LAMA3: variants seen among roughly 807,000 people sequenced by gnomAD.
LAMA3 encodes the protein laminin subunit alpha 3.
A neutral mutation model predicts 402.0 loss-of-function variants in LAMA3; 281 were observed. The observed-to-expected ratio is 0.70, with a 90% confidence interval of 0.63 to 0.77. The LOEUF is 0.77. Ranked by LOEUF, LAMA3 falls within the 30% of genes least tolerant of loss-of-function variation. The pLI is 0.00. For missense variants in LAMA3, 3,840 were observed against 4,215.5 expected (o/e 0.91, Z 2.47); for synonymous variants, 1,431 against 1,558.4 (o/e 0.92, Z 1.93).
At chr18:23,708,723 A>G (rs2060935050) in intron 1 of LAMA3, among the ~76,000 whole-genome samples, 1 of 151,944 alleles carries the variant, frequency 6.6e-6, no homozygotes, top group African/African-American at 2.4e-5. Context: ...TCTTTAGCAG[A>G]TACATTTGGG....
intron 8 of LAMA3, among the ~76,000 whole-genome samples, chr18:23,770,127 A>G (rs1411661394): frequency 3.9e-5 from 6 of 152,254 alleles, no homozygotes; most frequent in Non-Finnish European, 8.8e-5. Flanking sequence ...AGGGAAAAAT[A>G]GACAATTCTA....
chr18:23,926,231 A>G (rs745515076), intron 62 of LAMA3, among the ~76,000 whole-genome samples: 1 of 152,256 alleles, frequency 6.6e-6, no homozygotes, highest in Non-Finnish European at 1.5e-5. Context: ...AGTTGGATTC[A>G]TAGAGCTTCG....
At chr18:23,696,886 G>A (rs1231200964) in intron 1 of LAMA3, among the ~76,000 whole-genome samples, 1 of 152,204 alleles carries the variant, frequency 6.6e-6, no homozygotes, top group Non-Finnish European at 1.5e-5. Context: ...GCTACCTGCA[G>A]CATCCTCATT....
chr18:23,805,423 T>A (rs1598828066), intron 12 of LAMA3, among the ~76,000 whole-genome samples: 1 of 152,198 alleles, frequency 6.6e-6, no homozygotes. Context: ...GGTTGTACTA[T>A]TTTCCTAGGT....
At chr18:23,915,604 G>A (rs575151254) in intron 59 of LAMA3, among the ~76,000 whole-genome samples, 182 bp downstream of exon 59, 2 of 152,120 alleles carry the variant, frequency 1.3e-5, no homozygotes, top group Middle Eastern at 3.2e-3. Context: ...TCTAATTATG[G>A]TAGTCTCTTC....
intron 1 of LAMA3, among the ~76,000 whole-genome samples, chr18:23,711,343 A>G (rs1039711864): frequency 3.3e-5 from 5 of 152,154 alleles, no homozygotes; most frequent in African/African-American, 9.7e-5. Flanking sequence ...AGTGCCTACT[A>G]ATTGTGAGAT....
chr18:23,730,006 C>G (rs1177597368), intron 2 of LAMA3, among the ~76,000 whole-genome samples: 1 of 152,236 alleles, frequency 6.6e-6, no homozygotes, highest in African/African-American at 2.4e-5. Context: ...CCACTGTGTT[C>G]CCCTGCAAAG....
At chr18:23,786,795 A>T (rs1012771176) in intron 12 of LAMA3, among the ~76,000 whole-genome samples, 1 of 152,254 alleles carries the variant, frequency 6.6e-6, no homozygotes, top group African/African-American at 2.4e-5. Flanking sequence ...AGAGAATATC[A>T]ATAAAGAGAT....
At chr18:23,844,612 G>A (rs1174107102) in intron 29 of LAMA3, among the ~76,000 whole-genome samples, 5 of 152,206 alleles carry the variant, frequency 3.3e-5, no homozygotes, top group Non-Finnish European at 1.5e-5. Flanking sequence ...GCCTGTTCCT[G>A]TGATTGTTTT....
chr18:23,702,482 C>A lies in LAMA3; in HGVS notation c.295-11438C>A, dbSNP rs555688795. On this transcript the variant is annotated intron_variant, in intron 1 of 74. Coordinates refer to ENST00000313654, the MANE Select transcript of LAMA3 (RefSeq NM_198129.4). ...GGGACTACAGGTGTGCACCACCATG[C>A]CCGGCTAATTTTTTTTGTGTGTGTG... Among the ~76,000 whole-genome samples, 5 of 152,130 alleles carry A rather than the reference C, an allele frequency of 3.3e-5. No individual in the cohort carries two copies. In the South Asian group the frequency reaches 1.0e-3, roughly 32 times the overall value.
At chr18:23,866,200 T>C (rs1443107483) in intron 36 of LAMA3, among the ~76,000 whole-genome samples, 2 of 152,206 alleles carry the variant, frequency 1.3e-5, no homozygotes, top group Non-Finnish European at 2.9e-5. Context: ...TAGTATCACA[T>C]CCTACTTTGA....
chr18:23,892,796 G>A lies in LAMA3; in HGVS notation c.5411-1502G>A, dbSNP rs374956129. Among the ~76,000 whole-genome samples, 119 of 151,484 alleles carry A rather than the reference G, an allele frequency of 7.9e-4. 1 individual carries two copies. The East Asian group carries it at 0.022, about 28-fold the overall frequency. On this transcript the variant is annotated intron_variant, in intron 42 of 74. Coordinates refer to ENST00000313654, the MANE Select transcript of LAMA3 (RefSeq NM_198129.4). ...CAGATGCCTGTAATCTCAGCTACTT[G>A]GGAGGCTGAGGCAGGAGAATCGCTT...
At chr18:23,905,740 T>C (rs2081225885) in intron 52 of LAMA3, 116 bp downstream of exon 52, 2 of 583,236 alleles carry the variant, frequency 3.4e-6, no homozygotes, top group Admixed American at 2.8e-5. Flanking sequence ...TCAATGCAGA[T>C]GATACCCTTT....
chr18:23,826,550 G>C lies in LAMA3; in HGVS notation c.2572-152G>C, dbSNP rs947396405. 5.7e-5 allele frequency: 39 copies of C among 681,390 alleles called. No homozygotes were observed. The South Asian group carries it at 6.3e-4, about 11-fold the overall frequency. 42.2% of individuals were successfully genotyped at this position (681,390 alleles called of 1,614,324 possible). A position where few individuals can be genotyped will look rare whatever the true frequency, so the allele number is the denominator to read the frequency against. ...TGAGTGGTTCTTTGTGTTTCGGTGA[G>C]TCGGGATGAAGAACAAAGCAGTTGA... On this transcript the variant is annotated intron_variant, in intron 21 of 74. Transcript: ENST00000313654.
In LAMA3 at chr18:23,839,735, T is replaced by C. The variant is rs556764137; in HGVS notation, c.3192-50T>C. On this transcript the variant is annotated intron_variant, in intron 26 of 74. Coordinates refer to ENST00000313654, the MANE Select transcript of LAMA3 (RefSeq NM_198129.4). The surrounding 1 kb of genome is among the most constrained non-coding windows in gnomAD (Gnocchi z 4.5). ...GTCTCTTCACTGATGGTCAGTTCTG[T>C]AGCTTTGGGTTCTTTTAAAAATCAG... 8 of 1,602,234 alleles carry C rather than the reference T, an allele frequency of 5.0e-6. No homozygotes were observed. The highest frequency in any genetic ancestry group is 4.5e-5 in the East Asian group (2 of 44,812).
At chr18:23,742,919 T>G (rs1013342622) in intron 2 of LAMA3, among the ~76,000 whole-genome samples, 27 of 152,148 alleles carry the variant, frequency 1.8e-4, no homozygotes, top group African/African-American at 6.3e-4. Flanking sequence ...GCACAGGGAG[T>G]ACTATTTAGT....
rs1040214038 is a variant in LAMA3, at chr18:23,786,010, A to T, written c.1603+1853A>T. On this transcript the variant is annotated intron_variant, in intron 12 of 74. Coordinates refer to ENST00000313654, the MANE Select transcript of LAMA3 (RefSeq NM_198129.4). The stretch of plus-strand genomic sequence containing the variant: ...GCAGAGGGGAGGAAGGACTTCCATA[A>T]CAACAGAGGAGGGAGGTTGGTAGAT... 2.0e-5 allele frequency among the ~76,000 whole-genome samples: 3 copies of T among 152,232 alleles called. 1 individual carries two copies. The East Asian group carries it at 5.8e-4, about 29-fold the overall frequency.
intron 2 of LAMA3, among the ~76,000 whole-genome samples, chr18:23,718,871 C>T (rs1249716074): frequency 6.6e-6 from 1 of 152,214 alleles, no homozygotes; most frequent in Non-Finnish European, 1.5e-5. Context: ...TCTAGAGCAG[C>T]CTGCAAGCCC....
At chr18:23,834,144 C>A in intron 24 of LAMA3, 156 bp downstream of exon 24, 1 of 807,392 alleles carries the variant, frequency 1.2e-6, no homozygotes, top group Non-Finnish European at 2.1e-6. Context: ...ACGTCATCAC[C>A]AGTGTGGGTA....
Sources: allele counts gnomAD v4.1 joint callset (sites outside exome capture counted in the v4.1 genomes callset), GRCh38; gene constraint gnomAD v4.1.1; non-coding constraint Gnocchi (gnomAD v3.1); transcripts MANE v1.5; gene names NCBI Gene and HGNC (gene_info 2026-07-23, HGNC 2026-07-21).